Variants in AKAP19 observed in about 807,000 individuals in gnomAD.
The protein encoded by AKAP19 is small A-kinase anchoring protein.
At chr2:190,188,819 T>C in the AKAP19 span, among the ~76,000 whole-genome samples, 1 of 152,232 alleles carries the variant, frequency 6.6e-6, no homozygotes, top group African/African-American at 2.4e-5. Flanking sequence ...GGATGATGCT[T>C]TTTTATTCAT....
At chr2:190,179,869 A>G in the AKAP19 span, among the ~76,000 whole-genome samples, 1 of 152,210 alleles carries the variant, frequency 6.6e-6, no homozygotes, top group Non-Finnish European at 1.5e-5. This position sits in a 1 kb window ranked among gnomAD's most constrained non-coding sequence, Gnocchi z 6.0. Context: ...TGTAGAACAC[A>G]AGGAAAATAA....
chr2:189,915,083 G>T, the AKAP19 span, among the ~76,000 whole-genome samples: 9 of 152,072 alleles, frequency 5.9e-5, no homozygotes, highest in African/African-American at 2.2e-4. Context: ...AAAAGAAAAC[G>T]TAATTAAAAC....
chr2:190,191,492 A>G, the AKAP19 span, among the ~76,000 whole-genome samples: 4 of 152,300 alleles, frequency 2.6e-5, no homozygotes, highest in South Asian at 4.1e-4. Context: ...TATCTAGGGT[A>G]AATTTCTAGG....
At chr2:189,978,848 A>G in the AKAP19 span, among the ~76,000 whole-genome samples, 3 of 152,234 alleles carry the variant, frequency 2.0e-5, no homozygotes, top group Admixed American at 1.3e-4. Flanking sequence ...AAAAAAAATT[A>G]CCTTGTAATT....
chr2:190,145,885 AT>A, the AKAP19 span, among the ~76,000 whole-genome samples: 39,729 of 148,272 alleles, frequency 0.27, 5,561 homozygotes, highest in Admixed American at 0.36. Context: ...ATATATATAT[AT>A]AAAGAGATTC....
chr2:190,027,046 A>G, the AKAP19 span, among the ~76,000 whole-genome samples: 2 of 152,232 alleles, frequency 1.3e-5, no homozygotes, highest in Non-Finnish European at 2.9e-5. Context: ...CATGTCCAAA[A>G]TTCCATGATT....
chr2:190,059,472 A>G, the AKAP19 span, among the ~76,000 whole-genome samples: 1 of 152,080 alleles, frequency 6.6e-6, no homozygotes, highest in East Asian at 1.9e-4. Flanking sequence ...GTATTCCACA[A>G]AGAAATATAT....
At chr2:190,099,896 C>T in the AKAP19 span, among the ~76,000 whole-genome samples, 1 of 152,136 alleles carries the variant, frequency 6.6e-6, no homozygotes, top group Admixed American at 6.6e-5. Flanking sequence ...AGGTATGAAG[C>T]TGAGTTTGAA....
the AKAP19 span, among the ~76,000 whole-genome samples, chr2:190,126,451 G>T: frequency 6.6e-6 from 1 of 151,448 alleles, no homozygotes; most frequent in Non-Finnish European, 1.5e-5. Context: ...TCCTTGAGAA[G>T]AAAAAAAGCT....
the AKAP19 span, among the ~76,000 whole-genome samples, chr2:190,059,783 TA>T: frequency 2.0e-5 from 3 of 151,976 alleles, no homozygotes; most frequent in Non-Finnish European, 4.4e-5. Context: ...AAAAGCACTT[TA>T]TATTTCATTC....
chr2:190,151,070 TAA>T, the AKAP19 span, among the ~76,000 whole-genome samples: 1 of 152,226 alleles, frequency 6.6e-6, no homozygotes, highest in Non-Finnish European at 1.5e-5. Flanking sequence ...AGAATACTTA[TAA>T]GCACTCAGTT....
chr2:189,977,121 C>T, the AKAP19 span, among the ~76,000 whole-genome samples: 1 of 152,162 alleles, frequency 6.6e-6, no homozygotes, highest in African/African-American at 2.4e-5. Context: ...CTTGGAACTG[C>T]CCCCAACCAT....
the AKAP19 span, among the ~76,000 whole-genome samples, chr2:189,958,906 C>T: frequency 1.3e-5 from 2 of 151,894 alleles, no homozygotes; most frequent in African/African-American, 4.8e-5. Context: ...CAAAAGTAAA[C>T]ATAAGTTGAG....
chr2:190,029,409 A>G, the AKAP19 span, among the ~76,000 whole-genome samples: 1 of 152,158 alleles, frequency 6.6e-6, no homozygotes, highest in East Asian at 1.9e-4. Flanking sequence ...CGAGCTCTAA[A>G]TATTCAAGAA....
chr2:189,896,828 A>G, the AKAP19 span, among the ~76,000 whole-genome samples: 1 of 152,136 alleles, frequency 6.6e-6, no homozygotes. Flanking sequence ...AAGAGAAACT[A>G]TAAGTGAAGA....
the AKAP19 span, among the ~76,000 whole-genome samples, chr2:190,156,352 T>C: frequency 6.6e-6 from 1 of 152,156 alleles, no homozygotes; most frequent in Non-Finnish European, 1.5e-5. Flanking sequence ...CATACAAACA[T>C]CCTTCAAATT....
At chr2:189,900,263 T>C in the AKAP19 span, among the ~76,000 whole-genome samples, 4 of 152,178 alleles carry the variant, frequency 2.6e-5, no homozygotes, top group Non-Finnish European at 1.5e-5. Flanking sequence ...TCGGGATAAA[T>C]TCACAAATGT....
the AKAP19 span, among the ~76,000 whole-genome samples, chr2:190,021,347 G>T: frequency 6.6e-6 from 1 of 152,134 alleles, no homozygotes; most frequent in African/African-American, 2.4e-5. Flanking sequence ...ATTTACAATA[G>T]AATTTTATTA....
the AKAP19 span, among the ~76,000 whole-genome samples, chr2:190,004,938 A>G: frequency 6.6e-6 from 1 of 152,110 alleles, no homozygotes. Context: ...ATTCCTTCCC[A>G]TGGGTTCTTG....
Sources: allele counts gnomAD v4.1 joint callset (sites outside exome capture counted in the v4.1 genomes callset), GRCh38; gene constraint gnomAD v4.1.1; non-coding constraint Gnocchi (gnomAD v3.1); transcripts MANE v1.5; gene names NCBI Gene and HGNC (gene_info 2026-07-23, HGNC 2026-07-21).